ASIC2: variants seen among roughly 807,000 people sequenced by gnomAD.
ASIC2 encodes the protein acid-sensing ion channel 2.
Under a neutral mutation model 57.3 loss-of-function variants are expected in ASIC2, and 25 were observed. The ratio of observed to expected loss-of-function variants is 0.44; its 90% CI spans 0.32 to 0.61. The LOEUF (loss-of-function observed/expected upper bound fraction) is 0.61, where lower values mean the gene tolerates loss of function less well. Among genes scored for constraint, ASIC2 ranks in the 20% least tolerant of loss-of-function variants. The probability of loss-of-function intolerance (pLI) is 0.06; values close to 1 mark genes in which losing one functional copy is unlikely to be tolerated. For missense variants in ASIC2, 641 were observed against 738.1 expected (o/e 0.87, Z 1.52); for synonymous variants, 319 against 307.5 (o/e 1.04, Z -0.39).
chr17:34,045,701 C>G (rs531713697), intron 1 of ASIC2, among the ~76,000 whole-genome samples: 1 of 152,124 alleles, frequency 6.6e-6, no homozygotes, highest in Non-Finnish European at 1.5e-5. Flanking sequence ...AGTAACACAT[C>G]GACAAAGACT....
intron 1 of ASIC2, among the ~76,000 whole-genome samples, chr17:33,615,139 C>T (rs958023870): frequency 2.1e-4 from 32 of 152,200 alleles, no homozygotes; most frequent in Non-Finnish European, 3.7e-4. Flanking sequence ...TCACAAATAA[C>T]ACTGCAACAG....
chr17:33,604,839 T>C (rs1284432002), intron 1 of ASIC2, among the ~76,000 whole-genome samples: 2 of 152,032 alleles, frequency 1.3e-5, no homozygotes, highest in African/African-American at 4.8e-5. Context: ...ATCTCCCCCC[T>C]AAAACTCGTT....
intron 1 of ASIC2, among the ~76,000 whole-genome samples, chr17:33,789,074 C>T (rs546855320): frequency 6.6e-6 from 1 of 152,274 alleles, no homozygotes; most frequent in South Asian, 2.1e-4. Flanking sequence ...TCTCTGGCTG[C>T]TCTTGCAGTG....
chr17:34,007,808 A>G (rs1486040335), intron 1 of ASIC2, among the ~76,000 whole-genome samples: 3 of 152,232 alleles, frequency 2.0e-5, no homozygotes, highest in Admixed American at 2.0e-4. Context: ...AGCATCCCCA[A>G]AAGAGCTTGC....
chr17:33,275,068 T>C (rs1225658114), intron 1 of ASIC2, among the ~76,000 whole-genome samples: 1 of 152,042 alleles, frequency 6.6e-6, no homozygotes, highest in Non-Finnish European at 1.5e-5. Context: ...GGCTGAAAAA[T>C]GTTCTGCAAG....
rs563517652 is a variant in ASIC2 at position 33,928,275 on chromosome 17, C to T, written c.555+227703G>A. 9.2e-5 allele frequency among the ~76,000 whole-genome samples: 14 copies of T among 152,324 alleles called. No individual in the cohort carries two copies. In the South Asian group the frequency reaches 2.9e-3, roughly 32 times the overall value. ...TCTCCTGGTGTTCTAACTCAATGTG[C>T]TGGACAGTTGTGCCTCTTCCCACCA... On this transcript the variant is annotated intron_variant, in intron 1 of 9. Coordinates refer to the ASIC2 transcript ENST00000359872.
chr17:33,178,414 T>C (rs1044311023), intron 1 of ASIC2, among the ~76,000 whole-genome samples: 1 of 152,196 alleles, frequency 6.6e-6, no homozygotes, highest in African/African-American at 2.4e-5. Context: ...TCTTTAGGGA[T>C]AATGTAAAGT....
At chr17:33,640,648 C>T (rs550390349) in intron 1 of ASIC2, among the ~76,000 whole-genome samples, 16 of 152,270 alleles carry the variant, frequency 1.1e-4, no homozygotes, top group Admixed American at 9.8e-4. Context: ...CCTCACAGGC[C>T]CTGTTGAGTA....
chr17:33,956,819 T>C (rs569692638), intron 1 of ASIC2, among the ~76,000 whole-genome samples: 28 of 152,272 alleles, frequency 1.8e-4, no homozygotes, highest in African/African-American at 6.7e-4. Context: ...CTTGACCTGG[T>C]CCCCAGCTAG....
intron 1 of ASIC2, among the ~76,000 whole-genome samples, chr17:33,749,341 G>A (rs747207669): frequency 1.3e-5 from 2 of 151,768 alleles, no homozygotes; most frequent in Non-Finnish European, 2.9e-5. Flanking sequence ...TTCCTCTACT[G>A]GGAGGAGAGC....
chr17:33,430,213 C>T (rs749712477), intron 1 of ASIC2, among the ~76,000 whole-genome samples: 2 of 152,106 alleles, frequency 1.3e-5, no homozygotes, highest in Non-Finnish European at 2.9e-5. Flanking sequence ...TGACTCTCAC[C>T]TGGGCCTCAG....
In ASIC2 at chr17:33,099,207, G is replaced by A. The variant is rs936384454; in HGVS notation, c.860-10217C>T. On this transcript the variant is annotated intron_variant, in intron 2 of 9. Coordinates refer to ENST00000225823, the MANE Select transcript of ASIC2 (RefSeq NM_183377.2). ...ATTTTTGTTATTTTTAGTGGAGACG[G>A]GGTTTCTCCATGTTGGCCAGGCTGG... is the stretch of plus-strand genomic sequence containing the variant. Among the ~76,000 whole-genome samples the A allele has an allele frequency of 9.5e-4, 145 of 152,060 alleles. 1 individual carries two copies. The highest frequency in any genetic ancestry group is 1.6e-3 in the Non-Finnish European group (107 of 67,976).
chr17:33,770,864 C>G (rs1437709583), intron 1 of ASIC2, among the ~76,000 whole-genome samples: 1 of 152,200 alleles, frequency 6.6e-6, no homozygotes, highest in Admixed American at 6.5e-5. Flanking sequence ...AGGTCTCTGA[C>G]AAGGCTCTAA....
intron 1 of ASIC2, among the ~76,000 whole-genome samples, chr17:33,838,363 A>G (rs1913333263): frequency 1.3e-5 from 2 of 152,120 alleles, no homozygotes; most frequent in African/African-American, 4.8e-5. Context: ...TGAGTGAATG[A>G]CCAGCTGAAT....
intron 1 of ASIC2, among the ~76,000 whole-genome samples, chr17:33,591,572 C>T (rs1452437848): frequency 6.6e-6 from 1 of 152,212 alleles, no homozygotes. Flanking sequence ...ATCCCCCCAG[C>T]TGCTAGGGGT....
chr17:33,243,607 T>C (rs184964172), intron 1 of ASIC2, among the ~76,000 whole-genome samples: 9 of 152,318 alleles, frequency 5.9e-5, no homozygotes, highest in Non-Finnish European at 8.8e-5. Flanking sequence ...GAATAGACTG[T>C]GTGTGATGTT....
At chr17:33,961,825 C>T (rs1346182012) in intron 1 of ASIC2, among the ~76,000 whole-genome samples, 1 of 152,202 alleles carries the variant, frequency 6.6e-6, no homozygotes, top group East Asian at 1.9e-4. Context: ...CAGAACCCAA[C>T]ATTGCTCTCC....
chr17:34,088,404 T>C (rs1461836260), intron 1 of ASIC2, among the ~76,000 whole-genome samples: 2 of 152,126 alleles, frequency 1.3e-5, no homozygotes, highest in East Asian at 3.9e-4. Context: ...CTCTGGAAGT[T>C]TTGTCTCAGA....
intron 1 of ASIC2, among the ~76,000 whole-genome samples, chr17:33,177,107 A>G (rs190424191): frequency 6.6e-6 from 1 of 152,136 alleles, no homozygotes; most frequent in Admixed American, 6.5e-5. Context: ...TAGAGTAATA[A>G]TGGGGCTAAT....
Sources: gnomAD v4.1 joint callset for allele counts (sites outside exome capture counted in the v4.1 genomes callset) on GRCh38, gnomAD v4.1.1 for gene constraint, MANE v1.5 for transcripts, NCBI Gene and HGNC (gene_info 2026-07-23, HGNC 2026-07-21) for gene names.